Variants in PYGL observed in about 807,000 individuals in gnomAD.
PYGL encodes the protein glycogen phosphorylase L, also known as glycogen phosphorylase, liver form.
Under a neutral mutation model 100.1 loss-of-function variants are expected in PYGL, and 90 were observed. The ratio of observed to expected loss-of-function variants is 0.90; its 90% confidence interval spans 0.76 to 1.07. The LOEUF is 1.07. PYGL is among the 50% of genes least tolerant of loss of function. The pLI is 0.00. For missense variants in PYGL, 1,016 were observed against 1,057.6 expected (o/e 0.96, Z 0.55); for synonymous variants, 373 against 393.0 (o/e 0.95, Z 0.60).
intron 1 of PYGL, among the ~76,000 whole-genome samples, chr14:50,943,508 G>A (rs774703977): frequency 2.6e-5 from 4 of 152,240 alleles, no homozygotes; most frequent in Non-Finnish European, 4.4e-5. Context: ...GGGAGGACGA[G>A]TCCAGGGCAT....
intron 11 of PYGL, 22 bp from the exon 12 acceptor site, chr14:50,914,837 C>G: frequency 6.3e-7 from 1 of 1,583,422 alleles, no homozygotes; most frequent in African/African-American, 1.3e-5. Context: ...GGAGACACAT[C>G]ACTGAATTTG....
At chr14:50,915,714 T>C in intron 10 of PYGL, 111 bp downstream of exon 10, 1 of 1,483,576 alleles carries the variant, frequency 6.7e-7, no homozygotes, top group South Asian at 1.2e-5. Flanking sequence ...CTTGAGTACT[T>C]TTGCTGTATC....
Position 50,923,654 on chromosome 14 carries a change from A to G in PYGL, c.660+315T>C, listed in dbSNP as rs544395189. The G allele has an allele frequency of 1.4e-4, 34 of 244,182 alleles. 2 individuals are homozygous for G. In the South Asian group the frequency reaches 1.7e-3, roughly 12 times the overall value. The allele number at this position is 244,182 out of a possible 1,614,324, so 15.1% of individuals were successfully genotyped here. A position where few individuals can be genotyped will look rare whatever the true frequency, so the allele number is the denominator to read the frequency against. ...TTAATATAAAACCAAAGAGGTAAGC[A>G]TGCTGGTTACTATAGAACTGACAAT... On this transcript the variant is annotated intron_variant, in intron 5 of 19. Coordinates refer to ENST00000216392, the MANE Select transcript of PYGL (RefSeq NM_002863.5).
Position 50,944,305 on chromosome 14 carries a change from G to A in PYGL, c.99C>T (p.Asn33=). The A allele has an allele frequency of 6.2e-7, 1 of 1,613,988 alleles. No homozygotes were observed. The highest frequency in any genetic ancestry group is 8.5e-7 in the Non-Finnish European group (1 of 1,179,896). Reference sequence around the variant, plus strand: ...TGACCAGCGTGAAGTGCAGGTGCCGGTTGAAACTCTTCTTCAGCTCTGCCA... The same window carrying A: ...TGACCAGCGTGAAGTGCAGGTGCCGATTGAAACTCTTCTTCAGCTCTGCCA... ...ENVAELKKSF[N]RHLHFTLVKD... The change falls in exon 1 of 20, where the codon AAC becomes AAT. Residue 33 remains asparagine, a synonymous_variant. Transcript: ENST00000216392.
chr14:50,941,745 G>T (rs2050703764), intron 1 of PYGL, among the ~76,000 whole-genome samples: 1 of 152,122 alleles, frequency 6.6e-6, no homozygotes, highest in Admixed American at 6.6e-5. Flanking sequence ...GGGCATGGTG[G>T]CATGCACCTG....
chr14:50,914,659 A>G, intron 12 of PYGL, 42 bp downstream of exon 12: 1 of 1,503,122 alleles, frequency 6.7e-7, no homozygotes, highest in Non-Finnish European at 9.3e-7. Context: ...TGCCTCTTGC[A>G]TTCGAGTCAG....
chr14:50,909,844 T>TTC, intron 17 of PYGL, 51 bp downstream of exon 17: 1 of 1,600,446 alleles, frequency 6.2e-7, no homozygotes, highest in Non-Finnish European at 8.6e-7. Flanking sequence ...GTCACATACC[T>TTC]TCTAGGGGGG....
At chr14:50,919,666 GGTGTGTGTGTGTGT>G (rs35650221) in intron 7 of PYGL, among the ~76,000 whole-genome samples, 2 of 148,658 alleles carry the variant, frequency 1.3e-5, no homozygotes, top group East Asian at 2.0e-4. Context: ...AGTTCCAAGT[GGTGTGTGTGTGTGT>G]GTGTGTGTGT....
intron 2 of PYGL, 119 bp downstream of exon 2, chr14:50,937,617 C>T: frequency 1.0e-6 from 1 of 960,008 alleles, no homozygotes; most frequent in South Asian, 1.3e-5. Flanking sequence ...ATAGCCACAT[C>T]TATAGAGGCG....
chr14:50,913,286 G>T, intron 12 of PYGL, 156 bp from the exon 13 acceptor site: 1 of 643,310 alleles, frequency 1.6e-6, no homozygotes. Flanking sequence ...AGTCTATAAA[G>T]TCTATGTGAG....
chr14:50,929,569 A>T (rs567684752), intron 4 of PYGL, among the ~76,000 whole-genome samples: 1 of 152,248 alleles, frequency 6.6e-6, no homozygotes, highest in African/African-American at 2.4e-5. Context: ...AAAAATTGAG[A>T]TTTGTTTTCT....
At chr14:50,927,589 T>C (rs2139186844) in intron 4 of PYGL, among the ~76,000 whole-genome samples, 1 of 152,296 alleles carries the variant, frequency 6.6e-6, no homozygotes, top group Non-Finnish European at 1.5e-5. Context: ...GTTGGTTGAA[T>C]TTTTTTCCTG....
At chr14:50,940,883 T>C (rs1378700619) in intron 1 of PYGL, among the ~76,000 whole-genome samples, 1 of 152,206 alleles carries the variant, frequency 6.6e-6, no homozygotes, top group East Asian at 1.9e-4. Context: ...CTGGAACACC[T>C]GTCAATAAAC....
rs900563469 is a variant in PYGL, at chr14:50,914,430, G to A, written c.1518+271C>T. On this transcript the variant is annotated intron_variant, in intron 12 of 19. Coordinates refer to ENST00000216392, the MANE Select transcript of PYGL (RefSeq NM_002863.5). The stretch of plus-strand genomic sequence containing the variant: ...GAGAATTGCTTGAACCCAGGAGGTG[G>A]AGGTTGCAGTCAGCAGAGATTGCAC... 3.7e-4 allele frequency among the ~76,000 whole-genome samples: 56 copies of A among 152,246 alleles called. 1 individual carries two copies. The highest frequency in any genetic ancestry group is 1.2e-3 in the African/African-American group (50 of 41,524).
rs760662237 is a variant in PYGL, at chr14:50,924,091, C to T, written c.538G>A (p.Ala180Thr). 6.2e-7 allele frequency: 1 copy of T among 1,613,646 alleles called. No homozygotes were observed. Among genetic ancestry groups the T allele is most frequent in the Non-Finnish European group, 8.5e-7 (1 of 1,179,652 alleles). Residue 180 changes from alanine to threonine, a missense_variant, in exon 5 of 20, where the codon GCA becomes ACA. By Grantham distance (58) the Ala-to-Thr change is moderately conservative. Coordinates refer to ENST00000216392, the MANE Select transcript of PYGL (RefSeq NM_002863.5). ...KIRDGWQVEE[A>T]DDWLRYGNPW... ...TTTCCATATCTGAGCCAATCATCTG[C>T]TTCTTCTACCTGCAAAAGGATACAG...
intron 8 of PYGL, 102 bp from the exon 9 acceptor site, chr14:50,916,836 T>C (rs1303352444): frequency 1.9e-6 from 3 of 1,544,218 alleles, no homozygotes; most frequent in Non-Finnish European, 1.8e-6. Flanking sequence ...CCACCTTCTA[T>C]GAAAGACTTG....
At chr14:50,935,278 C>A in intron 2 of PYGL, 93 bp from the exon 3 acceptor site, 2 of 1,055,120 alleles carry the variant, frequency 1.9e-6, no homozygotes, top group South Asian at 1.3e-5. Context: ...TAAAGGTATT[C>A]AGGTTTAGCT....
At position 50,916,660 on chromosome 14, in the gene PYGL, T is replaced by C. The variant is rs777801112; in HGVS notation, c.1074A>G (p.Glu358=). The C allele has an allele frequency of 2.5e-6, 4 of 1,613,930 alleles. No individual in the cohort carries two copies. Among genetic ancestry groups the C allele is most frequent in the East Asian group, 4.5e-5 (2 of 44,888 alleles). ...TCCAGACCTTGGACCAGGGCAGTTTTTCAATATCCACAAAAATCCTCATCA... is the reference window on the plus strand; with the variant it reads ...TCCAGACCTTGGACCAGGGCAGTTTCTCAATATCCACAAAAATCCTCATCA... ...PELMRIFVDI[E]KLPWSKAWEL... The change falls in exon 9 of 20, where the codon GAA becomes GAG. Residue 358 remains glutamate, a synonymous_variant. Transcript: ENST00000216392.
chr14:50,920,902 A>G (rs148292588), intron 6 of PYGL, 54 bp downstream of exon 6: 60 of 1,517,214 alleles, frequency 4.0e-5, no homozygotes, highest in Non-Finnish European at 5.4e-5. Context: ...TCTAACTACC[A>G]ATCAAAAAGA....
Sources: gnomAD v4.1 joint callset for allele counts (sites outside exome capture counted in the v4.1 genomes callset) on GRCh38, gnomAD v4.1.1 for gene constraint, MANE v1.5 for transcripts, NCBI Gene and HGNC (gene_info 2026-07-23, HGNC 2026-07-21) for gene names.